Variants in SLIT3 observed in about 807,000 individuals in gnomAD.
The protein encoded by SLIT3 is slit homolog 3 protein.
SLIT3 carries 68 observed loss-of-function variants against 184.0 expected under a neutral mutation model. The observed-to-expected ratio is 0.37, with a 90% CI of 0.30 to 0.45. SLIT3 has a LOEUF of 0.45. SLIT3 is among the 20% of genes least tolerant of loss of function. The probability of loss-of-function intolerance (pLI) is 1.00; values close to 1 mark genes in which losing one functional copy is unlikely to be tolerated. For missense variants in SLIT3, 1,707 were observed against 2,026.0 expected (o/e 0.84, Z 3.02); for synonymous variants, 831 against 828.6 (o/e 1.00, Z -0.05).
intron 4 of SLIT3, among the ~76,000 whole-genome samples, chr5:169,151,273 C>T (rs1762110379): frequency 6.6e-6 from 1 of 152,168 alleles, no homozygotes; most frequent in Non-Finnish European, 1.5e-5. Flanking sequence ...CCATTGCCGC[C>T]TGGGAGTGTA....
intron 32 of SLIT3, among the ~76,000 whole-genome samples, chr5:168,675,927 C>T (rs554275327): frequency 9.9e-5 from 15 of 152,152 alleles, no homozygotes; most frequent in Non-Finnish European, 2.2e-4. Context: ...AACTATCCAA[C>T]CATCCATTCA....
intron 4 of SLIT3, among the ~76,000 whole-genome samples, chr5:169,082,878 C>G (rs1759127689): frequency 6.6e-6 from 1 of 152,186 alleles, no homozygotes; most frequent in Non-Finnish European, 1.5e-5. Flanking sequence ...TTCTCTGCCT[C>G]AATAACACCA....
chr5:169,221,318 CT>C (rs1413248810), intron 3 of SLIT3, among the ~76,000 whole-genome samples: 1 of 152,178 alleles, frequency 6.6e-6, no homozygotes, highest in Non-Finnish European at 1.5e-5. Flanking sequence ...TTCTCTCTGG[CT>C]CCGGCTCTTT....
chr5:169,030,275 T>G (rs898635064), intron 4 of SLIT3: 6 of 152,270 alleles, frequency 3.9e-5, no homozygotes, highest in African/African-American at 1.2e-4. Flanking sequence ...CACTTCACTG[T>G]TTCCAAAGGC....
Position 168,885,390 on chromosome 5 carries a change from G to A in SLIT3, c.414-2054C>T, listed in dbSNP as rs1048557573. Among the ~76,000 whole-genome samples, 8 of 152,192 alleles carry A rather than the reference G, an allele frequency of 5.3e-5. No individual in the cohort carries two copies. The East Asian group carries it at 7.7e-4, about 15-fold the overall frequency. ...ATGAGCAGGGCTCCAGCCTGGAGTC[G>A]GGGCGCTGAACAAAGCCCACGATGA... On this transcript the variant is annotated intron_variant, in intron 4 of 35. Coordinates refer to ENST00000519560, the MANE Select transcript of SLIT3 (RefSeq NM_003062.4).
chr5:168,913,517 C>A (rs959151577), intron 4 of SLIT3, among the ~76,000 whole-genome samples: 1 of 152,012 alleles, frequency 6.6e-6, no homozygotes, highest in Non-Finnish European at 1.5e-5. Context: ...CCTGTAGTAC[C>A]AGCACTTTGG....
At chr5:169,182,126 C>A (rs297873) in intron 4 of SLIT3, among the ~76,000 whole-genome samples, 119,863 of 152,066 alleles carry the variant, frequency 0.79, 47,551 homozygotes, top group East Asian at 0.87. Flanking sequence ...AAGGGGCGGG[C>A]GGGCCACACT....
intron 3 of SLIT3, among the ~76,000 whole-genome samples, chr5:169,233,842 T>C (rs748189330): frequency 1.6e-4 from 24 of 152,134 alleles, no homozygotes; most frequent in Non-Finnish European, 2.9e-4. Flanking sequence ...TTTCGAATCA[T>C]TGCCAGAACC....
At chr5:168,797,070 T>A (rs1016268227) in intron 9 of SLIT3, among the ~76,000 whole-genome samples, 1 of 150,238 alleles carries the variant, frequency 6.7e-6, no homozygotes, top group South Asian at 2.2e-4. Flanking sequence ...GGGCGGGGAG[T>A]GCACTTTACC....
intron 15 of SLIT3, among the ~76,000 whole-genome samples, chr5:168,761,673 T>G (rs1474706212): frequency 6.6e-6 from 1 of 152,146 alleles, no homozygotes; most frequent in African/African-American, 2.4e-5. Context: ...CCCATGTCTG[T>G]CGGTCCCCAC....
chr5:169,300,398 T>G lies in SLIT3; in HGVS notation c.197+115A>C. On this transcript the variant is annotated intron_variant, in intron 1 of 35. Coordinates refer to ENST00000519560, the MANE Select transcript of SLIT3 (RefSeq NM_003062.4). This position sits in a 1 kb window ranked among gnomAD's most constrained non-coding sequence, Gnocchi z 4.1. ...GTGAGGGATCGTATCCAGGAAGGGA[T>G]GAGAATAGAGACTGCATCCAGGGAG... 1.6e-6 allele frequency: 2 copies of G among 1,245,676 alleles called. No homozygotes were observed. The highest frequency in any genetic ancestry group is 2.1e-6 in the Non-Finnish European group (2 of 965,000). 77.2% of individuals were successfully genotyped at this position (1,245,676 alleles called of 1,614,324 possible).
At chr5:169,077,009 C>T (rs1356458853) in intron 4 of SLIT3, among the ~76,000 whole-genome samples, 1 of 151,990 alleles carries the variant, frequency 6.6e-6, no homozygotes, top group African/African-American at 2.4e-5. Flanking sequence ...GACCCTTGAA[C>T]AACACAGGTT....
At chr5:169,101,204 T>C (rs553837389) in intron 4 of SLIT3, among the ~76,000 whole-genome samples, 1 of 152,304 alleles carries the variant, frequency 6.6e-6, no homozygotes, top group East Asian at 1.9e-4. Flanking sequence ...CTGGAGGCAA[T>C]AACACTTTGG....
chr5:168,930,585 G>T (rs939328684), intron 4 of SLIT3, among the ~76,000 whole-genome samples: 13 of 152,116 alleles, frequency 8.5e-5, no homozygotes, highest in African/African-American at 2.9e-4. Context: ...AAAACATGCA[G>T]AGGGCTGAGT....
chr5:169,053,105 G>C (rs1757871618), intron 4 of SLIT3, among the ~76,000 whole-genome samples: 1 of 152,234 alleles, frequency 6.6e-6, no homozygotes, highest in Non-Finnish European at 1.5e-5. Context: ...TCCTGCGCAT[G>C]CTAATGCTCT....
intron 20 of SLIT3, among the ~76,000 whole-genome samples, chr5:168,747,202 C>A (rs1754503296): frequency 6.6e-6 from 1 of 152,176 alleles, no homozygotes; most frequent in Non-Finnish European, 1.5e-5. Context: ...TTCACCAGGG[C>A]AGCTTTCTCA....
intron 27 of SLIT3, among the ~76,000 whole-genome samples, chr5:168,698,765 C>G (rs145179173): frequency 1.3e-5 from 2 of 152,314 alleles, no homozygotes; most frequent in East Asian, 1.9e-4. Context: ...GGACTGCATA[C>G]GAGCTCTCCC....
intron 1 of SLIT3, among the ~76,000 whole-genome samples, chr5:169,274,113 T>G (rs868239416): frequency 9.2e-5 from 14 of 152,156 alleles, no homozygotes; most frequent in African/African-American, 3.4e-4. Flanking sequence ...AAGTGCCCAT[T>G]GTAGGGCCTC....
At chr5:168,938,407 T>C (rs573730027) in intron 4 of SLIT3, among the ~76,000 whole-genome samples, 68 of 152,290 alleles carry the variant, frequency 4.5e-4, no homozygotes, top group African/African-American at 1.6e-3. Context: ...AAGAAATATA[T>C]AGAAAGTGCC....
Sources: allele counts gnomAD v4.1 joint callset (sites outside exome capture counted in the v4.1 genomes callset), GRCh38; gene constraint gnomAD v4.1.1; non-coding constraint Gnocchi (gnomAD v3.1); transcripts MANE v1.5; gene names NCBI Gene and HGNC (gene_info 2026-07-23, HGNC 2026-07-21).